Variants in ZNF25 observed in about 807,000 individuals in gnomAD.
ZNF25 encodes zinc finger protein 25 (KOX 19).
ZNF25 carries 21 observed loss-of-function variants against 30.9 expected under a neutral mutation model. That is an observed-to-expected ratio of 0.68 (90% CI 0.48 to 0.98). The LOEUF is 0.98. Among genes scored for constraint, ZNF25 ranks in the 50% least tolerant of loss-of-function variants. ZNF25 has a pLI of 0.00. For synonymous variants in ZNF25, 169 were observed against 181.3 expected, an observed-to-expected ratio of 0.93 and a Z score of 0.55; for missense variants, 501 against 529.9, an observed-to-expected ratio of 0.95 and a Z score of 0.54.
At chr10:37,971,625 C>T (rs926541629) in intron 2 of ZNF25, 83 bp downstream of exon 2, 9 of 1,493,290 alleles carry the variant, frequency 6.0e-6, no homozygotes, top group African/African-American at 1.5e-5. Context: ...TCATAAAACT[C>T]ATTAAACACA....
intron 2 of ZNF25, among the ~76,000 whole-genome samples, chr10:37,963,656 C>T (rs762090711): frequency 3.9e-5 from 6 of 152,046 alleles, no homozygotes; most frequent in Admixed American, 6.6e-5. Context: ...AGTTCTGATT[C>T]GGTTCACATG....
chr10:37,952,779 T>TA lies in ZNF25; in HGVS notation c.718dup (p.Tyr240LeufsTer20). 6.2e-7 allele frequency: 1 copy of TA among 1,613,370 alleles called. No homozygotes were observed. The highest frequency in any genetic ancestry group is 8.5e-7 in the Non-Finnish European group (1 of 1,179,788). On this transcript the variant is annotated frameshift_variant, in exon 6 of 6. Transcript: ENST00000302609. LOFTEE classifies it high-confidence loss of function. ...ATGTACCATGAGGTATGCCTTCACA[T>TA]AGAAGAACTTCCCACATTCAGTACA... is the stretch of plus-strand genomic sequence containing the variant.
At chr10:37,962,257 G>C (rs1007973429) in intron 2 of ZNF25, among the ~76,000 whole-genome samples, 8 of 149,178 alleles carry the variant, frequency 5.4e-5, no homozygotes, top group African/African-American at 2.0e-4. Flanking sequence ...AAAAAAAAAA[G>C]CTAACGGATA....
intron 2 of ZNF25, among the ~76,000 whole-genome samples, chr10:37,971,085 C>T (rs969704608): frequency 1.4e-4 from 21 of 152,072 alleles, no homozygotes; most frequent in African/African-American, 4.8e-4. Context: ...GAGGCTAAGG[C>T]GGGAGGATCA....
At position 37,952,108 on chromosome 10, in the gene ZNF25, G is replaced by C. The variant is rs1199841445; in HGVS notation, c.*19C>G. On this transcript the variant is annotated 3_prime_UTR_variant, in exon 6 of 6. Coordinates refer to ENST00000302609, the MANE Select transcript of ZNF25 (RefSeq NM_145011.4). ...TGTTTTGAAGGATTAATTCAGTCAA[G>C]AGAATTTCCCAACTCATCTTACTTC... is the stretch of plus-strand genomic sequence containing the variant. 2.0e-6 allele frequency: 3 copies of C among 1,534,366 alleles called. No individual in the cohort carries two copies. In the Admixed American group the frequency reaches 6.4e-5, roughly 33 times the overall value.
intron 4 of ZNF25, among the ~76,000 whole-genome samples, chr10:37,955,515 G>C (rs1005161547): frequency 1.9e-4 from 29 of 152,072 alleles, no homozygotes; most frequent in Admixed American, 8.5e-4. Context: ...AAAAATATGG[G>C]ATCAGAATAT....
chr10:37,971,630 AACACAC>A (rs4007126), intron 2 of ZNF25, 72 bp downstream of exon 2: 44,796 of 1,384,184 alleles, frequency 0.032, 118 homozygotes, highest in East Asian at 0.046. Flanking sequence ...AAACTCATTA[AACACAC>A]ACACACACAC....
Position 37,951,293 on chromosome 10 carries a change from G to C in ZNF25, c.*834C>G, listed in dbSNP as rs540679712. ...TACTGAACTAAGATTATATTATTTC[G>C]CTATGTACCATTATGGATGGATTCC... On this transcript the variant is annotated 3_prime_UTR_variant, in exon 6 of 6. Transcript: ENST00000302609. The C allele has an allele frequency of 2.6e-5, 4 of 152,258 alleles. No individual in the cohort carries two copies. The highest frequency in any genetic ancestry group is 9.7e-5 in the African/African-American group (4 of 41,384). 9.4% of individuals were successfully genotyped at this position (152,258 alleles called of 1,614,324 possible). A position where few individuals can be genotyped will look rare whatever the true frequency, so the allele number is the denominator to read the frequency against.
chr10:37,955,069 AC>A (rs1212190544), intron 4 of ZNF25, among the ~76,000 whole-genome samples: 1 of 151,972 alleles, frequency 6.6e-6, no homozygotes, highest in Non-Finnish European at 1.5e-5. Flanking sequence ...CAGGAGAATC[AC>A]TTGAACTCAG....
At chr10:37,957,366 C>G (rs917595161) in intron 3 of ZNF25, 54 bp downstream of exon 3, 2 of 1,579,754 alleles carry the variant, frequency 1.3e-6, no homozygotes, top group Non-Finnish European at 1.7e-6. Context: ...ACTCCAGTAA[C>G]TGAGAAGATA....
intron 1 of ZNF25, among the ~76,000 whole-genome samples, chr10:37,972,970 C>A (rs1334270627): frequency 1.3e-5 from 2 of 151,564 alleles, no homozygotes; most frequent in Non-Finnish European, 2.9e-5. Context: ...GAGTTCAAGA[C>A]CAGCCTGACC....
chr10:37,952,096 T>G lies in ZNF25; in HGVS notation c.*31A>C. On this transcript the variant is annotated 3_prime_UTR_variant, in exon 6 of 6. Coordinates refer to ENST00000302609, the MANE Select transcript of ZNF25 (RefSeq NM_145011.4). ...GAATTATCTGATTGTTTTGAAGGAT[T>G]AATTCAGTCAAGAGAATTTCCCAAC... 1 of 1,522,988 alleles carries G rather than the reference T, an allele frequency of 6.6e-7. No homozygotes were observed. The highest frequency in any genetic ancestry group is 1.4e-5 in the African/African-American group (1 of 72,046). The allele number at this position is 1,522,988 out of a possible 1,614,324, so 94.3% of individuals were successfully genotyped here. A position where few individuals can be genotyped will look rare whatever the true frequency, so the allele number is the denominator to read the frequency against.
At chr10:37,966,668 G>A (rs1346300072) in intron 2 of ZNF25, among the ~76,000 whole-genome samples, 1 of 152,080 alleles carries the variant, frequency 6.6e-6, no homozygotes, top group Non-Finnish European at 1.5e-5. Flanking sequence ...AGAACAGCAA[G>A]GGGGAAGTCT....
chr10:37,952,125 TCTTA>T lies in ZNF25; in HGVS notation c.1369_*1del. Reference sequence around the variant, plus strand: ...TCAGTCAAGAGAATTTCCCAACTCATCTTACTTCTCAGCATTCCTCTTCTTTGTG... The same window carrying T: ...TCAGTCAAGAGAATTTCCCAACTCATCTTCTCAGCATTCCTCTTCTTTGTG... On this transcript the variant is annotated stop_lost and 3_prime_UTR_variant, in exon 6 of 6. Coordinates refer to ENST00000302609, the MANE Select transcript of ZNF25 (RefSeq NM_145011.4). 9 of 1,549,068 alleles carry T rather than the reference TCTTA, an allele frequency of 5.8e-6. No individual in the cohort carries two copies. Among genetic ancestry groups the T allele is most frequent in the Non-Finnish European group, 7.8e-6 (9 of 1,150,532 alleles).
At chr10:37,960,048 G>A (rs1162127080) in intron 2 of ZNF25, among the ~76,000 whole-genome samples, 13 of 152,126 alleles carry the variant, frequency 8.5e-5, no homozygotes, top group Non-Finnish European at 1.6e-4. Flanking sequence ...CCGAGTAGCT[G>A]GGACTATAGA....
At chr10:37,959,346 T>C (rs972059918) in intron 2 of ZNF25, among the ~76,000 whole-genome samples, 2 of 152,114 alleles carry the variant, frequency 1.3e-5, no homozygotes, top group Non-Finnish European at 2.9e-5. Flanking sequence ...GGGAAAGAAG[T>C]ATAACACAAC....
rs913717913 is a variant in ZNF25 at position 37,957,322 on chromosome 10, A to C, written c.142+98T>G. 2.1e-5 allele frequency: 30 copies of C among 1,439,008 alleles called. No homozygotes were observed. The African/African-American group carries it at 4.0e-4, about 19-fold the overall frequency. The allele number at this position is 1,439,008 out of a possible 1,614,324, so 89.1% of individuals were successfully genotyped here. On this transcript the variant is annotated intron_variant, in intron 3 of 5. Transcript: ENST00000302609. ...AACTTCGACCTCTGAATCATAGATA[A>C]TGTCAATCATTCAACCCTATAGGGA...
Position 37,959,755 on chromosome 10 carries a change from G to A in ZNF25, c.16-2209C>T, listed in dbSNP as rs552948913. Among the ~76,000 whole-genome samples, 26 of 151,870 alleles carry A rather than the reference G, an allele frequency of 1.7e-4. No homozygotes were observed. In the South Asian group the frequency reaches 1.9e-3, roughly 11 times the overall value. ...CTCCTGAGTAGCTGGGACTATAGGCGCCCGCCACCACGCCTGGCTAATTTT... is the reference window on the plus strand; with the variant it reads ...CTCCTGAGTAGCTGGGACTATAGGCACCCGCCACCACGCCTGGCTAATTTT... On this transcript the variant is annotated intron_variant, in intron 2 of 5. Coordinates refer to ENST00000302609, the MANE Select transcript of ZNF25 (RefSeq NM_145011.4).
In ZNF25 at chr10:37,976,541, G is replaced by A. The variant is rs144205159; in HGVS notation, c.-121C>T. ...TCGGCCTCTGCTCCCGGCCCGCGCC[G>A]GGCCCAGGCCCCGCCCTTTGCGGCC... On this transcript the variant is annotated 5_prime_UTR_variant, in exon 1 of 6. Coordinates refer to ENST00000302609, the MANE Select transcript of ZNF25 (RefSeq NM_145011.4). 0.018 allele frequency: 2,718 copies of A among 152,552 alleles called. 38 individuals carry two copies. Among genetic ancestry groups the A allele is most frequent in the Non-Finnish European group, 0.028 (1,933 of 68,228 alleles). The allele number at this position is 152,552 out of a possible 1,614,324, so 9.4% of individuals were successfully genotyped here. A position where few individuals can be genotyped will look rare whatever the true frequency, so the allele number is the denominator to read the frequency against.
Sources: allele counts gnomAD v4.1 joint callset (sites outside exome capture counted in the v4.1 genomes callset), GRCh38; gene constraint gnomAD v4.1.1; transcripts MANE v1.5; gene names NCBI Gene and HGNC (gene_info 2026-07-23, HGNC 2026-07-21).